Variants in TANC2 observed in about 807,000 individuals in gnomAD.
The protein encoded by TANC2 is protein TANC2.
A neutral mutation model predicts 210.5 loss-of-function variants in TANC2; 26 were observed. That is an observed-to-expected ratio of 0.12 (90% CI 0.09 to 0.17). The LOEUF (loss-of-function observed/expected upper bound fraction) is 0.17. Among genes scored for constraint, TANC2 ranks in the 10% least tolerant of loss-of-function variants. The probability of loss-of-function intolerance (pLI) is 1.00; values close to 1 mark genes in which losing one functional copy is unlikely to be tolerated. For synonymous variants in TANC2, 931 were observed against 967.1 expected (o/e 0.96, Z 0.69); for missense variants, 2,129 against 2,608.9 (o/e 0.82, Z 4.01).
chr17:63,188,980 A>G (rs1006809507), intron 5 of TANC2, among the ~76,000 whole-genome samples: 5 of 151,582 alleles, frequency 3.3e-5, no homozygotes, highest in Non-Finnish European at 2.9e-5. Flanking sequence ...TCTACTTTTT[A>G]TTTCCACAGA....
At chr17:63,239,125 G>T (rs955466767) in intron 8 of TANC2, among the ~76,000 whole-genome samples, 4 of 150,118 alleles carry the variant, frequency 2.7e-5, no homozygotes, top group Non-Finnish European at 4.4e-5. Flanking sequence ...ACCAGCCTGC[G>T]CAACATAGTG....
At chr17:63,140,872 G>A (rs1254266521) in intron 4 of TANC2, among the ~76,000 whole-genome samples, 3 of 151,918 alleles carry the variant, frequency 2.0e-5, no homozygotes, top group Non-Finnish European at 4.4e-5. Flanking sequence ...GCAGCCTCCC[G>A]AGTAGCTGGG....
intron 8 of TANC2, among the ~76,000 whole-genome samples, chr17:63,260,521 C>T (rs779745828): frequency 3.9e-5 from 6 of 152,224 alleles, no homozygotes; most frequent in Non-Finnish European, 8.8e-5. Flanking sequence ...CGATGGCCCA[C>T]GCCTGTAGTC....
rs148498418 is a variant in TANC2, at chr17:63,357,341, C to T, written c.2582+1951C>T. 1.3e-3 allele frequency among the ~76,000 whole-genome samples: 194 copies of T among 152,286 alleles called. 2 individuals are homozygous for T. Among genetic ancestry groups the T allele is most frequent in the African/African-American group, 4.5e-3 (189 of 41,558 alleles). ...TCAGGGGCTCTCAGAGGAGAAAATA[C>T]GGCTTTTATACAGCCATATCATGAC... On this transcript the variant is annotated intron_variant, in intron 14 of 27. Coordinates refer to ENST00000689528, the Ensembl canonical transcript of TANC2.
chr17:63,312,825 A>C (rs774339521), intron 9 of TANC2, among the ~76,000 whole-genome samples: 1 of 152,206 alleles, frequency 6.6e-6, no homozygotes, highest in African/African-American at 2.4e-5. Flanking sequence ...AGCTTCCCCT[A>C]ACCCCCCACA....
intron 15 of TANC2, among the ~76,000 whole-genome samples, chr17:63,380,299 T>C (rs1466876617): frequency 2.0e-5 from 3 of 152,342 alleles, no homozygotes; most frequent in Non-Finnish European, 2.9e-5. Context: ...CTTCAAATTA[T>C]ATCCCAGTTT....
At chr17:63,375,314 C>A (rs773975162) in intron 14 of TANC2, among the ~76,000 whole-genome samples, 7 of 152,216 alleles carry the variant, frequency 4.6e-5, no homozygotes, top group Non-Finnish European at 8.8e-5. Flanking sequence ...GTATTGCTTG[C>A]TGTTTCTCCT....
intron 14 of TANC2, among the ~76,000 whole-genome samples, chr17:63,356,295 T>C (rs2046780742): frequency 6.6e-6 from 1 of 152,222 alleles, no homozygotes; most frequent in Admixed American, 6.5e-5. Flanking sequence ...CGTATTCCTT[T>C]AATAAAGTTG....
At chr17:63,361,849 A>G (rs1172375181) in intron 14 of TANC2, among the ~76,000 whole-genome samples, 1 of 152,214 alleles carries the variant, frequency 6.6e-6, no homozygotes. Context: ...AGCTCTCAAG[A>G]GATCCAAAGT....
chr17:63,193,662 C>T (rs1363553466), intron 5 of TANC2, among the ~76,000 whole-genome samples: 1 of 152,118 alleles, frequency 6.6e-6, no homozygotes, highest in Admixed American at 6.6e-5. Flanking sequence ...AGATTAAATG[C>T]TCTGAATTTA....
At chr17:63,335,382 G>A (rs1435341906) in intron 11 of TANC2, among the ~76,000 whole-genome samples, 1 of 152,014 alleles carries the variant, frequency 6.6e-6, no homozygotes, top group African/African-American at 2.4e-5. Context: ...GGAGGCCGAG[G>A]TGGGCAGATC....
chr17:63,092,377 T>C (rs1257949368), intron 3 of TANC2, among the ~76,000 whole-genome samples: 1 of 152,122 alleles, frequency 6.6e-6, no homozygotes, highest in Non-Finnish European at 1.5e-5. Context: ...GCACTCGGTT[T>C]TGCTGGTATT....
At chr17:63,053,916 C>G (rs189675568) in intron 2 of TANC2, among the ~76,000 whole-genome samples, 159 of 152,320 alleles carry the variant, frequency 1.0e-3, no homozygotes, top group Non-Finnish European at 2.9e-4. Flanking sequence ...CCACTAACCA[C>G]TTAGTCCAAG....
rs142108993 is a variant in TANC2, at chr17:63,068,271, A to G, written c.68-5672A>G. On this transcript the variant is annotated intron_variant, in intron 2 of 27. Coordinates refer to ENST00000689528, the Ensembl canonical transcript of TANC2. ...CAAATTAAACAAGAATCAGATACCAATTCGCGTTGTTTAGCAGAAATGAAA... is the reference window on the plus strand; with the variant it reads ...CAAATTAAACAAGAATCAGATACCAGTTCGCGTTGTTTAGCAGAAATGAAA... 8.5e-4 allele frequency among the ~76,000 whole-genome samples: 130 copies of G among 152,262 alleles called. 1 individual carries two copies. The highest frequency in any genetic ancestry group is 2.6e-3 in the African/African-American group (106 of 41,552).
intron 9 of TANC2, among the ~76,000 whole-genome samples, chr17:63,289,890 C>G (rs955649742): frequency 5.3e-5 from 8 of 152,166 alleles, no homozygotes; most frequent in Non-Finnish European, 1.0e-4. Flanking sequence ...TTTTAGTGAG[C>G]TTGTGCCTCT....
chr17:63,013,396 C>G (rs1039035690), intron 2 of TANC2, among the ~76,000 whole-genome samples: 3 of 152,102 alleles, frequency 2.0e-5, no homozygotes, highest in African/African-American at 7.2e-5. Flanking sequence ...TGCCACTTTT[C>G]TCTTTTAAGG....
At chr17:63,411,338 A>G (rs371925406) in intron 21 of TANC2, among the ~76,000 whole-genome samples, 173 bp from the exon 22 acceptor site, 2 of 152,368 alleles carry the variant, frequency 1.3e-5, no homozygotes, top group African/African-American at 4.8e-5. Context: ...GAAAGCTTAT[A>G]GGATGAACTT....
At chr17:62,973,175 A>C (rs1190181634) in intron 1 of TANC2, among the ~76,000 whole-genome samples, 4 of 152,070 alleles carry the variant, frequency 2.6e-5, no homozygotes, top group Non-Finnish European at 5.9e-5. Context: ...GATCACAGGC[A>C]TGTGCCACCA....
intron 7 of TANC2, among the ~76,000 whole-genome samples, chr17:63,221,521 A>G (rs1336294764): frequency 2.0e-5 from 3 of 152,116 alleles, no homozygotes; most frequent in Admixed American, 2.0e-4. Flanking sequence ...CTTATCTCAT[A>G]AAAGAGTTCT....
Sources: allele counts gnomAD v4.1 joint callset (sites outside exome capture counted in the v4.1 genomes callset), GRCh38; gene constraint gnomAD v4.1.1; transcripts MANE v1.5; gene names NCBI Gene and HGNC (gene_info 2026-07-23, HGNC 2026-07-21).